The following ADCY9 variants were observed in gnomAD, a reference collection of about 807,000 sequenced individuals.
ADCY9 encodes the protein adenylate cyclase type 9.
In ADCY9, 50 loss-of-function variants were observed where a neutral mutation model predicts 101.5. The observed-to-expected ratio is 0.49, with a 90% CI of 0.39 to 0.62. The LOEUF is 0.62. Ranked by LOEUF, ADCY9 falls within the 20% of genes least tolerant of loss-of-function variation. The pLI, the probability that ADCY9 is intolerant of heterozygous loss-of-function variation, is 0.00. For synonymous variants in ADCY9, 905 were observed against 769.3 expected (o/e 1.18, Z -2.92); for missense variants, 1,662 against 1,800.4 (o/e 0.92, Z 1.39).
At chr16:4,019,631 C>CCCCT (rs1331864102) in intron 2 of ADCY9, among the ~76,000 whole-genome samples, 1 of 152,164 alleles carries the variant, frequency 6.6e-6, no homozygotes, top group East Asian at 1.9e-4. Context: ...TTCAGAAACT[C>CCCCT]CCCTGTCTTA....
At chr16:3,979,370 G>A in intron 7 of ADCY9, 95 bp from the exon 8 acceptor site, 2 of 1,429,382 alleles carry the variant, frequency 1.4e-6, no homozygotes, top group Non-Finnish European at 1.9e-6. Context: ...GCCGCCCTCT[G>A]CTCTCTCCCG....
chr16:3,972,982 G>A (rs1456431181), intron 10 of ADCY9, among the ~76,000 whole-genome samples: 1 of 152,144 alleles, frequency 6.6e-6, no homozygotes, highest in Non-Finnish European at 1.5e-5. Context: ...TACTAAAGCT[G>A]TAATCATCAC....
Position 3,992,396 on chromosome 16 carries a change from A to G in ADCY9, c.1990-33T>C, listed in dbSNP as rs1309757504. Reference sequence around the variant, plus strand: ...GAGACAAAGAGGACGCAGACACGGGAAGTGAAGTGGCACCGGGCACTGGGC... The same window carrying G: ...GAGACAAAGAGGACGCAGACACGGGGAGTGAAGTGGCACCGGGCACTGGGC... On this transcript the variant is annotated intron_variant, in intron 4 of 10. Coordinates refer to ENST00000294016, the MANE Select transcript of ADCY9 (RefSeq NM_001116.4). The surrounding 1 kb of genome is among the most constrained non-coding windows in gnomAD (Gnocchi z 4.2). 1 of 1,600,538 alleles carries G rather than the reference A, an allele frequency of 6.2e-7. No homozygotes were observed. The highest frequency in any genetic ancestry group is 1.1e-5 in the South Asian group (1 of 90,364).
chr16:4,109,841 C>T (rs1015642935), intron 2 of ADCY9, among the ~76,000 whole-genome samples: 3 of 152,212 alleles, frequency 2.0e-5, no homozygotes, highest in Non-Finnish European at 4.4e-5. Flanking sequence ...CTTTCTAAAA[C>T]TGCAAGTCAG....
rs1567412087 is a variant in ADCY9, at chr16:3,965,469, G to C, written c.*306C>G. ...AAAGTCAAATAATACCCAAAGCCAT[G>C]ATCTCCACTGGCGGCCTCTGTCCCG... On this transcript the variant is annotated 3_prime_UTR_variant, in exon 11 of 11. Coordinates refer to ENST00000294016, the MANE Select transcript of ADCY9 (RefSeq NM_001116.4). The C allele has an allele frequency of 9.9e-6, 4 of 405,174 alleles. No individual in the cohort carries two copies. The highest frequency in any genetic ancestry group is 4.1e-5 in the East Asian group (1 of 24,384). 25.1% of individuals were successfully genotyped at this position (405,174 alleles called of 1,614,324 possible).
chr16:3,999,307 C>T (rs536929741), intron 3 of ADCY9, among the ~76,000 whole-genome samples: 1 of 152,286 alleles, frequency 6.6e-6, no homozygotes, highest in South Asian at 2.1e-4. Flanking sequence ...AGATCCTACC[C>T]GTGAACAAGT....
In ADCY9 at chr16:3,956,503, T is replaced by TTTTTTTTTTTGGG. The variant is rs55792938; in HGVS notation, c.568-2988_568-2987insCCCAAAAAAAAAA. On this transcript the variant is annotated intron_variant, in intron 5 of 5. Coordinates refer to the ADCY9 transcript ENST00000576936. ...GCGCAATGAGCTTTTTTTTTTTTTT[T>TTTTTTTTTTTGGG]GGGGGGGGATGGAGTCTCCCTCTGT... is the stretch of plus-strand genomic sequence containing the variant. 3.5e-3 allele frequency among the ~76,000 whole-genome samples: 240 copies of TTTTTTTTTTTGGG among 69,508 alleles called. 16 individuals are homozygous for TTTTTTTTTTTGGG. The highest frequency in any genetic ancestry group is 9.3e-3 in the African/African-American group (229 of 24,704). 45.6% of individuals were successfully genotyped at this position (69,508 alleles called of 152,430 possible). A position where few individuals can be genotyped will look rare whatever the true frequency, so the allele number is the denominator to read the frequency against.
chr16:3,974,768 G>T, intron 9 of ADCY9, 58 bp from the exon 10 acceptor site: 1 of 1,413,702 alleles, frequency 7.1e-7, no homozygotes. Flanking sequence ...ATTCCACAAG[G>T]CAACCTGAGA....
intron 2 of ADCY9, among the ~76,000 whole-genome samples, chr16:4,053,691 G>A (rs566984044): frequency 0.02 from 2 of 102 alleles, no homozygotes; most frequent in Non-Finnish European, 0.043. Context: ...GGATGGCACG[G>A]GGACCCGATT....
chr16:4,115,748 GCTCGCCTTCCGCGCCT>G lies in ADCY9; in HGVS notation c.-118_-103del, dbSNP rs2057147236. 2.4e-6 allele frequency: 1 copy of G among 408,330 alleles called. No individual in the cohort carries two copies. Among genetic ancestry groups the G allele is most frequent in the African/African-American group, 2.1e-5 (1 of 48,292 alleles). The allele number at this position is 408,330 out of a possible 1,614,324, so 25.3% of individuals were successfully genotyped here. A position where few individuals can be genotyped will look rare whatever the true frequency, so the allele number is the denominator to read the frequency against. On this transcript the variant is annotated 5_prime_UTR_variant, in exon 1 of 11. Transcript: ENST00000294016. This position sits in a 1 kb window ranked among gnomAD's most constrained non-coding sequence, Gnocchi z 6.2. The stretch of plus-strand genomic sequence containing the variant: ...CCGTGGCTCCGGGACCGCTTTGCTC[GCTCGCCTTCCGCGCCT>G]CTCGCCCCGAGGGTGGCCTCCGCGC...
chr16:4,107,170 T>C (rs540783220), intron 2 of ADCY9, among the ~76,000 whole-genome samples: 1 of 152,248 alleles, frequency 6.6e-6, no homozygotes, highest in East Asian at 1.9e-4. Flanking sequence ...ACCCCAGCTG[T>C]GGAGGGGAAC....
chr16:4,101,906 G>A (rs1469817895), intron 2 of ADCY9, among the ~76,000 whole-genome samples: 1 of 152,106 alleles, frequency 6.6e-6, no homozygotes, highest in African/African-American at 2.4e-5. Context: ...AACCCCCGAG[G>A]GTTTTCAGTA....
At chr16:4,105,827 C>G (rs1278414330) in intron 2 of ADCY9, among the ~76,000 whole-genome samples, 1 of 152,050 alleles carries the variant, frequency 6.6e-6, no homozygotes, top group African/African-American at 2.4e-5. Flanking sequence ...GCCTGGGCAA[C>G]AGAGGAAGAC....
chr16:3,983,751 T>C, intron 6 of ADCY9: 1 of 354,240 alleles, frequency 2.8e-6, no homozygotes, highest in East Asian at 5.3e-5. Flanking sequence ...ACAGTGAGAC[T>C]CCATCTCTAC....
chr16:3,995,240 C>A (rs1314021488), intron 3 of ADCY9, among the ~76,000 whole-genome samples: 1 of 151,988 alleles, frequency 6.6e-6, no homozygotes, highest in African/African-American at 2.4e-5. Context: ...CCAGCCTGGG[C>A]AACATGGCAA....
intron 2 of ADCY9, among the ~76,000 whole-genome samples, chr16:4,059,572 G>C (rs549872321): frequency 4.7e-4 from 72 of 152,074 alleles, no homozygotes; most frequent in African/African-American, 1.6e-3. Context: ...ATCAACCAAA[G>C]ACATACAAAA....
chr16:4,107,033 A>G (rs2057081695), intron 2 of ADCY9, among the ~76,000 whole-genome samples: 1 of 152,096 alleles, frequency 6.6e-6, no homozygotes, highest in Non-Finnish European at 1.5e-5. Context: ...GGTTACTTCT[A>G]CTCGAAAGCT....
At chr16:4,057,591 T>C (rs1248764964) in intron 2 of ADCY9, among the ~76,000 whole-genome samples, 1 of 152,176 alleles carries the variant, frequency 6.6e-6, no homozygotes, top group African/African-American at 2.4e-5. Flanking sequence ...CTGTAGGAAA[T>C]GCTTGGCTCC....
At chr16:4,062,572 T>C (rs2056779168) in intron 2 of ADCY9, among the ~76,000 whole-genome samples, 1 of 152,126 alleles carries the variant, frequency 6.6e-6, no homozygotes, top group South Asian at 2.1e-4. Flanking sequence ...AAAGTAAGTA[T>C]GGGAGGCTGT....
Sources: gnomAD v4.1 joint callset for allele counts (sites outside exome capture counted in the v4.1 genomes callset) on GRCh38, gnomAD v4.1.1 for gene constraint, Gnocchi (gnomAD v3.1) non-coding constraint, MANE v1.5 for transcripts, NCBI Gene and HGNC (gene_info 2026-07-23, HGNC 2026-07-21) for gene names.